Variants in DDX31 observed in about 807,000 individuals in gnomAD.
DDX31 encodes the protein DEAD-box helicase 31, also known as ATP-dependent DNA helicase DDX31.
A neutral mutation model predicts 91.3 loss-of-function variants in DDX31; 70 were observed. The observed-to-expected ratio is 0.77, with a 90% CI of 0.63 to 0.94. The LOEUF (loss-of-function observed/expected upper bound fraction) is 0.94, where lower values mean the gene tolerates loss of function less well. Among genes scored for constraint, DDX31 ranks in the 40% least tolerant of loss-of-function variants. The pLI, the probability that DDX31 is intolerant of heterozygous loss-of-function variation, is 0.00. For missense variants in DDX31, 902 were observed against 925.0 expected (o/e 0.98, Z 0.32); for synonymous variants, 362 against 350.6 (o/e 1.03, Z -0.36).
At chr9:132,616,512 A>C (rs1831634848) in intron 18 of DDX31, among the ~76,000 whole-genome samples, 2 of 152,224 alleles carry the variant, frequency 1.3e-5, no homozygotes, top group South Asian at 2.1e-4. Flanking sequence ...ACCAAAATCG[A>C]AGGTGACAGT....
chr9:132,657,984 T>C, intron 6 of DDX31: 3 of 291,464 alleles, frequency 1.0e-5, no homozygotes, highest in South Asian at 1.4e-4. Context: ...GTTTTAAATA[T>C]GAAGTTCAGC....
At chr9:132,607,479 C>A (rs1831089410) in intron 19 of DDX31, among the ~76,000 whole-genome samples, 1 of 152,188 alleles carries the variant, frequency 6.6e-6, no homozygotes. Flanking sequence ...CCAGATGTTT[C>A]TAAGCTCTAA....
At chr9:132,619,658 G>A (rs1047833015) in intron 17 of DDX31, among the ~76,000 whole-genome samples, 6 of 152,116 alleles carry the variant, frequency 3.9e-5, no homozygotes, top group African/African-American at 7.2e-5. Context: ...TGACAGTCTC[G>A]CTGATTTCAC....
intron 14 of DDX31, chr9:132,638,085 T>TG: frequency 7.8e-7 from 1 of 1,284,490 alleles, no homozygotes; most frequent in Non-Finnish European, 9.9e-7. Flanking sequence ...GAAAAAGAAA[T>TG]GCACGCGCCG....
At chr9:132,634,693 A>AG (rs757825545) in intron 14 of DDX31, among the ~76,000 whole-genome samples, 12 of 149,166 alleles carry the variant, frequency 8.0e-5, no homozygotes, top group Non-Finnish European at 1.8e-4. Flanking sequence ...CCTGGGTTCA[A>AG]GTGATGCTCT....
At chr9:132,658,104 T>C (rs2130824688) in intron 6 of DDX31, 2 of 557,982 alleles carry the variant, frequency 3.6e-6, no homozygotes, top group African/African-American at 3.7e-5. Context: ...CCAAATCACC[T>C]TTATTGAGTG....
In DDX31 at chr9:132,595,124, T is replaced by G. The variant is rs1564267554; in HGVS notation, c.1995-12A>C. Reference sequence around the variant, plus strand: ...TATGAAGGTCAGGCCTGAAGAACAGTAACAGCAGAGAGGGAAAAGAAACTT... The same window carrying G: ...TATGAAGGTCAGGCCTGAAGAACAGGAACAGCAGAGAGGGAAAAGAAACTT... On this transcript the variant is annotated splice_polypyrimidine_tract_variant and intron_variant, in intron 19 of 19. Transcript: ENST00000372159. This position sits in a 1 kb window ranked among gnomAD's most constrained non-coding sequence, Gnocchi z 4.6. 8 of 1,606,650 alleles carry G rather than the reference T, an allele frequency of 5.0e-6. No individual in the cohort carries two copies. In the South Asian group the frequency reaches 8.8e-5, roughly 18 times the overall value.
Position 132,594,808 on chromosome 9 carries a change from G to T in DDX31, c.*58C>A. The stretch of plus-strand genomic sequence containing the variant: ...CACAAGCCTCCTCTGACAAGAACTG[G>T]ACATCAATCCACTGCCACCCGGGGC... On this transcript the variant is annotated 3_prime_UTR_variant, in exon 20 of 20. Transcript: ENST00000372159. 6.3e-7 allele frequency: 1 copy of T among 1,594,236 alleles called. No homozygotes were observed. The highest frequency in any genetic ancestry group is 8.5e-7 in the Non-Finnish European group (1 of 1,169,868).
At position 132,637,566 on chromosome 9, in the gene DDX31, C is replaced by T. The variant is rs573785269; in HGVS notation, c.1440+4438G>A. Among the ~76,000 whole-genome samples the T allele has an allele frequency of 3.9e-5, 6 of 152,352 alleles. No homozygotes were observed. In the South Asian group the frequency reaches 1.2e-3, roughly 32 times the overall value. ...TCTCTCTGAGAAGGGACGCAGCACA[C>T]TCGCCTCTGACGCCTTCCCGGCCTG... On this transcript the variant is annotated intron_variant, in intron 14 of 19. Coordinates refer to ENST00000372159, the MANE Select transcript of DDX31 (RefSeq NM_022779.9).
rs759471012 is a variant in DDX31, at chr9:132,648,208, T to G, written c.948A>C (p.Leu316=). The change falls in exon 11 of 20, where the codon CTA becomes CTC. Residue 316 remains leucine, a synonymous_variant. Transcript: ENST00000372159. ...ACTCACCTTCTGTGAGTGTCGCTGA[T>G]AGCAAGACATTCTGTCGTTTTTGGC... ...AECQKRQNVL[L]SATLTEGVTR... is the part of the protein sequence containing the mutation. The G allele has an allele frequency of 6.2e-7, 1 of 1,613,884 alleles. No homozygotes were observed. The highest frequency in any genetic ancestry group is 2.2e-5 in the East Asian group (1 of 44,884).
chr9:132,653,494 C>CAAAAAAAAAAAAAAAAAAAAAAAA (rs71376648), intron 6 of DDX31, among the ~76,000 whole-genome samples: 1 of 20,662 alleles, frequency 4.8e-5, no homozygotes, highest in South Asian at 2.4e-3. Flanking sequence ...AACTCAGTCT[C>CAAAAAAAAAAAAAAAAAAAAAAAA]AAAAAAAAAA....
chr9:132,647,442 C>T (rs899782597), intron 11 of DDX31, among the ~76,000 whole-genome samples: 1 of 152,050 alleles, frequency 6.6e-6, no homozygotes, highest in Admixed American at 6.6e-5. Context: ...TGTTAATGTG[C>T]CCTGAGAATA....
Position 132,594,857 on chromosome 9 carries a change from A to G in DDX31, c.*9T>C, listed in dbSNP as rs372566843. The G allele has an allele frequency of 1.9e-6, 3 of 1,611,676 alleles. No individual in the cohort carries two copies. Among genetic ancestry groups the G allele is most frequent in the East Asian group, 2.2e-5 (1 of 44,852 alleles). On this transcript the variant is annotated 3_prime_UTR_variant, in exon 20 of 20. Coordinates refer to ENST00000372159, the MANE Select transcript of DDX31 (RefSeq NM_022779.9). ...GCTTCCAGGTTCCACTCGAAGACCCAGAGAGATTTTAAACTTTCTGGGAAG... is the reference window on the plus strand; with the variant it reads ...GCTTCCAGGTTCCACTCGAAGACCCGGAGAGATTTTAAACTTTCTGGGAAG...
intron 14 of DDX31, among the ~76,000 whole-genome samples, chr9:132,632,862 C>T (rs555717079): frequency 1.3e-5 from 2 of 152,274 alleles, no homozygotes; most frequent in South Asian, 2.1e-4. Context: ...CTAGTCACCA[C>T]CCAAAGAGCA....
In DDX31 at chr9:132,662,255, A is replaced by G; in HGVS notation, c.408+6T>C. 1 of 1,614,144 alleles carries G rather than the reference A, an allele frequency of 6.2e-7. No individual in the cohort carries two copies. Among genetic ancestry groups the G allele is most frequent in the Non-Finnish European group, 8.5e-7 (1 of 1,179,986 alleles). On this transcript the variant is annotated splice_donor_region_variant and intron_variant, in intron 3 of 19. Transcript: ENST00000372159. ...ACTGACCCAGAAAACACTGAAAGGT[A>G]CTTACTAAATGTGGGTGGAGGCCCA...
At position 132,594,675 on chromosome 9, in the gene DDX31, C is replaced by T. The variant is rs1830345472; in HGVS notation, c.*191G>A. ...GGAGCTGGCTAGTCTCTACAGTGCC[C>T]CACACCACTGATTTCTATCAGGCTC... On this transcript the variant is annotated 3_prime_UTR_variant, in exon 20 of 20. Transcript: ENST00000372159. 1.1e-6 allele frequency: 1 copy of T among 922,782 alleles called. No homozygotes were observed. The highest frequency in any genetic ancestry group is 1.6e-6 in the Non-Finnish European group (1 of 618,612). 57.2% of individuals were successfully genotyped at this position (922,782 alleles called of 1,614,324 possible).
intron 4 of DDX31, among the ~76,000 whole-genome samples, chr9:132,660,665 C>G (rs1193449923): frequency 6.6e-6 from 1 of 152,098 alleles, no homozygotes; most frequent in Non-Finnish European, 1.5e-5. Flanking sequence ...CTTTAATATT[C>G]CTATTAATTT....
intron 19 of DDX31, among the ~76,000 whole-genome samples, chr9:132,609,449 C>T (rs531655041): frequency 1.2e-4 from 18 of 152,278 alleles, no homozygotes; most frequent in Admixed American, 3.3e-4. Flanking sequence ...CCAATTCCCC[C>T]GCCCACAGGC....
At chr9:132,641,932 C>A in intron 14 of DDX31, 72 bp downstream of exon 14, 1 of 1,517,834 alleles carries the variant, frequency 6.6e-7, no homozygotes, top group South Asian at 1.1e-5. Flanking sequence ...GACAAACTGT[C>A]AAGAGACGAA....
Sources: gnomAD v4.1 joint callset for allele counts (sites outside exome capture counted in the v4.1 genomes callset) on GRCh38, gnomAD v4.1.1 for gene constraint, Gnocchi (gnomAD v3.1) non-coding constraint, MANE v1.5 for transcripts, NCBI Gene and HGNC (gene_info 2026-07-23, HGNC 2026-07-21) for gene names.